The following SLC5A11 variants were observed in gnomAD, a reference collection of about 807,000 sequenced individuals.
SLC5A11 encodes the protein sodium/myo-inositol cotransporter 2.
SLC5A11 carries 48 observed loss-of-function variants against 69.8 expected under a neutral mutation model. That is an observed-to-expected ratio of 0.69 (90% CI 0.55 to 0.87). SLC5A11 has a LOEUF of 0.87. SLC5A11 is among the 40% of genes least tolerant of loss of function. The probability of loss-of-function intolerance (pLI) is 0.00; values close to 1 mark genes in which losing one functional copy is unlikely to be tolerated. For synonymous variants in SLC5A11, 319 were observed against 342.4 expected, an observed-to-expected ratio of 0.93 and a Z score of 0.75; for missense variants, 784 against 866.1, an observed-to-expected ratio of 0.91 and a Z score of 1.19.
intron 14 of SLC5A11, among the ~76,000 whole-genome samples, chr16:24,909,331 C>T (rs1327521493): frequency 6.6e-6 from 1 of 152,122 alleles, no homozygotes; most frequent in Non-Finnish European, 1.5e-5. Flanking sequence ...GATACATCCT[C>T]TTTTACTGTC....
At chr16:24,863,390 G>A (rs2046724071) in intron 3 of SLC5A11, among the ~76,000 whole-genome samples, 1 of 151,994 alleles carries the variant, frequency 6.6e-6, no homozygotes, top group Admixed American at 6.6e-5. Context: ...CCAGGGTTTT[G>A]TGGTTTTTCT....
At chr16:24,867,912 G>A (rs1023982983) in intron 3 of SLC5A11, among the ~76,000 whole-genome samples, 4 of 151,486 alleles carry the variant, frequency 2.6e-5, no homozygotes, top group South Asian at 2.1e-4. Context: ...TGAAGAGGGC[G>A]AATCACCTGA....
intron 6 of SLC5A11, among the ~76,000 whole-genome samples, chr16:24,876,204 GAAAAAAA>G (rs1162639357): frequency 9.0e-6 from 1 of 111,714 alleles, no homozygotes; most frequent in South Asian, 2.8e-4. Flanking sequence ...TCAAAAAAAA[GAAAAAAA>G]AAAAAAAGAA....
At chr16:24,896,702 G>A (rs192470160) in intron 9 of SLC5A11, among the ~76,000 whole-genome samples, 2 of 152,262 alleles carry the variant, frequency 1.3e-5, no homozygotes, top group Non-Finnish European at 2.9e-5. Flanking sequence ...AGGTGAAGTT[G>A]CTTGCCCAAG....
intron 7 of SLC5A11, among the ~76,000 whole-genome samples, chr16:24,883,400 G>A (rs549641557): frequency 6.6e-6 from 1 of 152,160 alleles, no homozygotes; most frequent in South Asian, 2.1e-4. Flanking sequence ...AATAACTAAA[G>A]GTGTTCAGAG....
chr16:24,884,645 T>TC (rs1454435118), intron 8 of SLC5A11, among the ~76,000 whole-genome samples: 2 of 141,402 alleles, frequency 1.4e-5, no homozygotes, highest in East Asian at 4.3e-4. Context: ...TTTTTTTTTT[T>TC]CAAGTAAAAA....
chr16:24,858,871 A>G, intron 2 of SLC5A11, 93 bp downstream of exon 3: 1 of 1,438,984 alleles, frequency 6.9e-7, no homozygotes, highest in Non-Finnish European at 9.3e-7. Flanking sequence ...GAGCTAAGAT[A>G]CTGACTGTGA....
intron 14 of SLC5A11, among the ~76,000 whole-genome samples, chr16:24,910,091 C>T (rs1413952121): frequency 5.0e-5 from 7 of 139,478 alleles, no homozygotes; most frequent in Admixed American, 8.3e-5. Flanking sequence ...TGGGGTTTAT[C>T]GGAGAAAGAC....
chr16:24,857,858 G>T (rs1210119857), intron 1 of SLC5A11, among the ~76,000 whole-genome samples: 1 of 152,184 alleles, frequency 6.6e-6, no homozygotes, highest in East Asian at 1.9e-4. Context: ...GGGATTAGAG[G>T]TAAGCATCTT....
intron 3 of SLC5A11, among the ~76,000 whole-genome samples, chr16:24,868,230 G>A (rs2047034590): frequency 1.3e-5 from 2 of 148,174 alleles, no homozygotes; most frequent in African/African-American, 2.5e-5. Flanking sequence ...TGGCTTCAAC[G>A]ATAAACTCTT....
rs1014931029 is a variant in SLC5A11 at position 24,908,261 on chromosome 16, AT to A, written c.1434+132del. The A allele has an allele frequency of 1.4e-4, 151 of 1,044,072 alleles. No homozygotes were observed. The African/African-American group carries it at 2.2e-3, about 15-fold the overall frequency. 64.7% of individuals were successfully genotyped at this position (1,044,072 alleles called of 1,614,324 possible). ...GGTGTTGAGAGGGAGGGTGAGTTCC[AT>A]TGGTGGAAGATACAGGGAGGGTGTT... On this transcript the variant is annotated intron_variant, in intron 13 of 15. Coordinates refer to ENST00000347898, the Ensembl canonical transcript of SLC5A11.
At chr16:24,860,720 TG>T (rs1362971522) in intron 2 of SLC5A11, among the ~76,000 whole-genome samples, 6 of 151,906 alleles carry the variant, frequency 3.9e-5, no homozygotes, top group African/African-American at 7.2e-5. Flanking sequence ...TTTTGTTTTT[TG>T]TTTTGAGACG....
chr16:24,853,656 C>T (rs181962432), intron 1 of SLC5A11, among the ~76,000 whole-genome samples: 29 of 152,320 alleles, frequency 1.9e-4, no homozygotes, highest in African/African-American at 6.7e-4. Context: ...GGTTGGGATC[C>T]CACCCGCGGC....
intron 8 of SLC5A11, among the ~76,000 whole-genome samples, chr16:24,887,543 A>G (rs1212160249): frequency 6.6e-6 from 1 of 152,172 alleles, no homozygotes; most frequent in Non-Finnish European, 1.5e-5. Flanking sequence ...ATGTGTGCAT[A>G]TAAGTTTTTT....
exon 16 of SLC5A11, chr16:24,911,591 T>A: frequency 6.5e-7 from 1 of 1,534,238 alleles, no homozygotes; most frequent in Admixed American, 1.8e-5. Flanking sequence ...ATTTTTTTAA[T>A]GAAAGAAAAA....
chr16:24,854,223 G>C (rs1455230199), intron 1 of SLC5A11, among the ~76,000 whole-genome samples: 1 of 152,062 alleles, frequency 6.6e-6, no homozygotes, highest in Non-Finnish European at 1.5e-5. Flanking sequence ...CCCCAATTCA[G>C]CATCAACCTC....
At chr16:24,861,072 C>A (rs984152404) in intron 2 of SLC5A11, among the ~76,000 whole-genome samples, 1 of 152,096 alleles carries the variant, frequency 6.6e-6, no homozygotes, top group African/African-American at 2.4e-5. Context: ...TGTTTAAACA[C>A]CACATATTTT....
At chr16:24,884,329 T>C (rs1188159015) in intron 8 of SLC5A11, among the ~76,000 whole-genome samples, 198 bp downstream of exon 9, 2 of 151,982 alleles carry the variant, frequency 1.3e-5, no homozygotes, top group Non-Finnish European at 2.9e-5. Flanking sequence ...CTTACTGTTT[T>C]TGTTTTTGTT....
intron 12 of SLC5A11, 70 bp downstream of exon 13, chr16:24,907,245 G>T: frequency 6.4e-7 from 1 of 1,566,216 alleles, no homozygotes; most frequent in East Asian, 2.2e-5. Context: ...GCAAAGTCCA[G>T]GTTCAGCCAG....
Sources: allele counts gnomAD v4.1 joint callset (sites outside exome capture counted in the v4.1 genomes callset), GRCh38; gene constraint gnomAD v4.1.1; transcripts MANE v1.5; gene names NCBI Gene and HGNC (gene_info 2026-07-23, HGNC 2026-07-21).